The following EYS variants were observed in gnomAD, a reference collection of about 807,000 sequenced individuals.
EYS encodes EGF-like photoreceptor maintenance factor.
EYS carries 250 observed loss-of-function variants against 282.1 expected under a neutral mutation model. That is an observed-to-expected ratio of 0.89 (90% CI 0.80 to 0.98). EYS has a LOEUF of 0.98. Ranked by LOEUF, EYS falls within the 50% of genes least tolerant of loss-of-function variation. The probability of loss-of-function intolerance (pLI) is 0.00; values close to 1 mark genes in which losing one functional copy is unlikely to be tolerated. For missense variants in EYS, 4,016 were observed against 3,709.0 expected (o/e 1.08, Z -2.15); for synonymous variants, 1,355 against 1,282.9 (o/e 1.06, Z -1.20).
At chr6:64,842,967 C>T (rs1765609481) in intron 19 of EYS, among the ~76,000 whole-genome samples, 1 of 152,078 alleles carries the variant, frequency 6.6e-6, no homozygotes, top group African/African-American at 2.4e-5. Context: ...TGTTAGTCCC[C>T]AAGACAATGG....
chr6:64,674,097 C>T (rs183315126), intron 22 of EYS, among the ~76,000 whole-genome samples: 1 of 151,992 alleles, frequency 6.6e-6, no homozygotes, highest in East Asian at 1.9e-4. Flanking sequence ...GAGAAATGTC[C>T]TATAAAAGTT....
Position 65,244,676 on chromosome 6 carries a change from G to A in EYS, c.2023+51187C>T, listed in dbSNP as rs1026556680. ...TACAGGCGCCCGCCAGCCCTCCCGG[G>A]TAATTTTTTGTATTTTTTTTTTTTT... is the stretch of plus-strand genomic sequence containing the variant. On this transcript the variant is annotated intron_variant, in intron 12 of 42. Transcript: ENST00000503581. 2.0e-4 allele frequency among the ~76,000 whole-genome samples: 23 copies of A among 116,410 alleles called. 1 individual carries two copies. Among genetic ancestry groups the A allele is most frequent in the African/African-American group, 7.6e-4 (21 of 27,792 alleles). The allele number at this position is 116,410 out of a possible 152,430, so 76.4% of individuals were successfully genotyped here.
At chr6:65,037,288 A>G (rs763733221) in intron 13 of EYS, among the ~76,000 whole-genome samples, 18 of 151,842 alleles carry the variant, frequency 1.2e-4, no homozygotes, top group Non-Finnish European at 1.6e-4. Flanking sequence ...ATAAGAGAAC[A>G]TTGATAAGAG....
rs753320968 is a variant in EYS at position 65,402,617 on chromosome 6, T to TA, written c.1057-13dup. On this transcript the variant is annotated splice_polypyrimidine_tract_variant and intron_variant, in intron 6 of 42. Transcript: ENST00000503581. Reference sequence around the variant, plus strand: ...ATGCACATAACATCCTAGGAAAGATTAAAAAAATATTTTTACAAAGTATTA... The same window carrying TA: ...ATGCACATAACATCCTAGGAAAGATTAAAAAAAATATTTTTACAAAGTATTA... 1.2e-4 allele frequency: 183 copies of TA among 1,542,784 alleles called. 1 individual carries two copies. The highest frequency in any genetic ancestry group is 2.9e-4 in the African/African-American group (21 of 73,202).
chr6:64,772,248 A>G (rs186110140), intron 22 of EYS, among the ~76,000 whole-genome samples: 3 of 151,820 alleles, frequency 2.0e-5, no homozygotes, highest in Admixed American at 1.3e-4. Context: ...CCTGTTTAGC[A>G]TGGTCTTCAT....
chr6:64,554,377 G>C (rs1250602751), intron 26 of EYS, among the ~76,000 whole-genome samples: 2 of 151,996 alleles, frequency 1.3e-5, no homozygotes, highest in Non-Finnish European at 2.9e-5. Context: ...GTCTCCTGGG[G>C]TGAAGAAATG....
At chr6:63,964,439 C>A (rs1248299724) in intron 35 of EYS, among the ~76,000 whole-genome samples, 8 of 152,126 alleles carry the variant, frequency 5.3e-5, no homozygotes, top group Non-Finnish European at 2.9e-5. Context: ...GCTGATTTCC[C>A]TCCTGTGTTT....
At chr6:65,180,949 A>C (rs1765364715) in intron 12 of EYS, among the ~76,000 whole-genome samples, 2 of 152,156 alleles carry the variant, frequency 1.3e-5, no homozygotes, top group Admixed American at 1.3e-4. Flanking sequence ...AAAAACAAGC[A>C]ATGGGGAAAG....
At chr6:64,390,786 C>T (rs571619063) in intron 28 of EYS, among the ~76,000 whole-genome samples, 1 of 148,778 alleles carries the variant, frequency 6.7e-6, no homozygotes, top group Non-Finnish European at 1.5e-5. Flanking sequence ...ATGACTTTGA[C>T]GAGCTGAGAG....
intron 31 of EYS, among the ~76,000 whole-genome samples, chr6:64,182,264 C>A (rs1764807689): frequency 6.6e-6 from 1 of 152,134 alleles, no homozygotes. Context: ...ATTTCCCCAA[C>A]TCATTCATTT....
At chr6:64,541,301 C>A (rs1043454892) in intron 26 of EYS, among the ~76,000 whole-genome samples, 1 of 152,084 alleles carries the variant, frequency 6.6e-6, no homozygotes, top group African/African-American at 2.4e-5. Context: ...TTTAGAAATA[C>A]CTCATTTTCA....
intron 36 of EYS, among the ~76,000 whole-genome samples, chr6:63,845,086 A>G (rs889197602): frequency 6.6e-5 from 10 of 152,180 alleles, no homozygotes; most frequent in African/African-American, 2.4e-4. Flanking sequence ...TTGGGTGGCC[A>G]TGAACTGTAA....
intron 5 of EYS, among the ~76,000 whole-genome samples, chr6:65,450,878 T>C (rs1764372207): frequency 6.6e-6 from 1 of 152,180 alleles, no homozygotes; most frequent in Non-Finnish European, 1.5e-5. Context: ...ATCATTAATA[T>C]GAAAATTTCT....
At chr6:64,280,784 T>G (rs1456731986) in intron 30 of EYS, among the ~76,000 whole-genome samples, 9 of 152,162 alleles carry the variant, frequency 5.9e-5, no homozygotes, top group African/African-American at 1.4e-4. Context: ...ACTGCTGTAC[T>G]GTGCATCAGG....
chr6:65,629,682 A>C (rs1290465516), intron 2 of EYS, among the ~76,000 whole-genome samples: 1 of 152,046 alleles, frequency 6.6e-6, no homozygotes, highest in Non-Finnish European at 1.5e-5. Context: ...ACTCCTCGAG[A>C]AGACGGCCTT....
chr6:64,692,691 T>C (rs1046623470), intron 22 of EYS, among the ~76,000 whole-genome samples: 1 of 152,174 alleles, frequency 6.6e-6, no homozygotes, highest in Non-Finnish European at 1.5e-5. Context: ...GGCATCCAGC[T>C]TCAGCCTACT....
At chr6:63,862,371 A>T (rs1321623874) in intron 36 of EYS, among the ~76,000 whole-genome samples, 1 of 152,172 alleles carries the variant, frequency 6.6e-6, no homozygotes, top group African/African-American at 2.4e-5. Flanking sequence ...AATGAATAGG[A>T]TAATTATTTT....
rs1029639574 is a variant in EYS at position 63,778,119 on chromosome 6, A to G, written c.7785T>C (p.Asn2595=). 7.7e-6 allele frequency: 12 copies of G among 1,551,718 alleles called. No homozygotes were observed. The highest frequency in any genetic ancestry group is 9.6e-6 in the Non-Finnish European group (11 of 1,146,982). ...EKDGHFRGLG[N]PEGHPNAGRS... ...GTCCAGCATTTGGGTGGCCCTCAGG[A>G]TTTCCCAGTCCTCTGAAATGGCCAT... The change falls in exon 40 of 43, where the codon AAT becomes AAC. Residue 2595 remains asparagine, a synonymous_variant. Transcript: ENST00000503581.
intron 30 of EYS, among the ~76,000 whole-genome samples, chr6:64,244,267 T>C (rs920523334): frequency 2.0e-5 from 3 of 152,214 alleles, no homozygotes; most frequent in African/African-American, 7.2e-5. Context: ...TAATGGATGT[T>C]GGTCCATTTT....
Sources: allele counts gnomAD v4.1 joint callset (sites outside exome capture counted in the v4.1 genomes callset), GRCh38; gene constraint gnomAD v4.1.1; transcripts MANE v1.5; gene names NCBI Gene and HGNC (gene_info 2026-07-23, HGNC 2026-07-21).